PHF21A: variants seen among roughly 807,000 people sequenced by gnomAD.
PHF21A encodes the protein PHD finger protein 21A.
In PHF21A, 11 loss-of-function variants were observed where a neutral mutation model predicts 82.5. That is an observed-to-expected ratio of 0.13 (90% CI 0.08 to 0.22). PHF21A has a LOEUF of 0.22. Among genes scored for constraint, PHF21A ranks in the 10% least tolerant of loss-of-function variants. The pLI is 1.00. For synonymous variants in PHF21A, 297 were observed against 302.8 expected (o/e 0.98, Z 0.20); for missense variants, 579 against 837.8 (o/e 0.69, Z 3.81).
At chr11:45,987,251 A>ATGTATGTATGTATGT (rs375980932) in intron 6 of PHF21A, among the ~76,000 whole-genome samples, 3 of 148,446 alleles carry the variant, frequency 2.0e-5, no homozygotes, top group African/African-American at 7.5e-5. Context: ...ATCATAAATA[A>ATGTATGTATGTATGT]ATGTATGTAT....
chr11:46,002,677 T>C (rs1412394101), intron 6 of PHF21A, among the ~76,000 whole-genome samples: 1 of 152,164 alleles, frequency 6.6e-6, no homozygotes, highest in Admixed American at 6.5e-5. Flanking sequence ...ATGAAGAACT[T>C]TGGACTCTGT....
chr11:46,038,114 TTC>T (rs536982768), intron 6 of PHF21A, among the ~76,000 whole-genome samples: 3 of 151,788 alleles, frequency 2.0e-5, no homozygotes, highest in African/African-American at 7.3e-5. Flanking sequence ...ATACTCCTAT[TTC>T]TCTCTCTCTC....
chr11:46,074,309 T>G (rs2096695606), intron 6 of PHF21A, among the ~76,000 whole-genome samples: 2 of 152,162 alleles, frequency 1.3e-5, no homozygotes, highest in Non-Finnish European at 2.9e-5. Flanking sequence ...GACATTATTC[T>G]TCAAACTTTT....
intron 6 of PHF21A, among the ~76,000 whole-genome samples, chr11:46,076,160 A>T (rs1485413012): frequency 6.6e-6 from 1 of 152,234 alleles, no homozygotes; most frequent in Non-Finnish European, 1.5e-5. Flanking sequence ...CATACAAAAA[A>T]TTCCAAAGAA....
At chr11:46,022,394 G>A (rs1565586595) in intron 6 of PHF21A, among the ~76,000 whole-genome samples, 2 of 152,188 alleles carry the variant, frequency 1.3e-5, no homozygotes, top group African/African-American at 2.4e-5. Context: ...GATTGAGGCT[G>A]CAGTGAGCTG....
intron 6 of PHF21A, 103 bp downstream of exon 6, chr11:46,076,651 A>AT: frequency 1.1e-6 from 1 of 883,330 alleles, no homozygotes; most frequent in Non-Finnish European, 1.8e-6. Context: ...GCCCACACTT[A>AT]TTTTCACACA....
chr11:46,073,419 T>G (rs1051230963), intron 6 of PHF21A, among the ~76,000 whole-genome samples: 1 of 152,186 alleles, frequency 6.6e-6, no homozygotes, highest in Admixed American at 6.5e-5. Flanking sequence ...AAATGTGAAC[T>G]ATGCCTGAAA....
At chr11:46,057,443 T>C (rs1432187825) in intron 6 of PHF21A, among the ~76,000 whole-genome samples, 1 of 152,176 alleles carries the variant, frequency 6.6e-6, no homozygotes, top group Admixed American at 6.5e-5. Flanking sequence ...CATTAGGGCT[T>C]AATTTTCCCA....
chr11:46,040,158 C>A (rs1371527684), intron 6 of PHF21A, among the ~76,000 whole-genome samples: 2 of 152,140 alleles, frequency 1.3e-5, no homozygotes, highest in Admixed American at 1.3e-4. Flanking sequence ...TGGCAGTAAT[C>A]CCAAGTGACT....
At chr11:46,071,704 A>G (rs1592802981) in intron 6 of PHF21A, among the ~76,000 whole-genome samples, 3 of 147,290 alleles carry the variant, frequency 2.0e-5, no homozygotes, top group South Asian at 4.4e-4. Context: ...ATAAAAGGGT[A>G]TATCTATCAA....
chr11:46,085,201 G>T (rs896957541), intron 3 of PHF21A, among the ~76,000 whole-genome samples: 1 of 152,058 alleles, frequency 6.6e-6, no homozygotes, highest in African/African-American at 2.4e-5. Flanking sequence ...TACTATCCAC[G>T]AACTTATGAT....
intron 6 of PHF21A, among the ~76,000 whole-genome samples, chr11:46,068,273 T>C (rs1023468022): frequency 6.6e-6 from 1 of 151,910 alleles, no homozygotes; most frequent in African/African-American, 2.4e-5. Context: ...AATAAATATA[T>C]GTGGAATAAA....
chr11:45,947,139 T>C (rs2091415383), intron 14 of PHF21A, among the ~76,000 whole-genome samples: 1 of 152,204 alleles, frequency 6.6e-6, no homozygotes, highest in South Asian at 2.1e-4. Context: ...TGTAAGAGCA[T>C]TTTGACTCAA....
rs1036752495 is a variant in PHF21A, at chr11:46,070,380, G to C, written c.153+6374C>G. On this transcript the variant is annotated intron_variant, in intron 6 of 18. Transcript: ENST00000676320. Reference sequence around the variant, plus strand: ...GAGTCTCACTGTGTTGCCCAGGCTGGAGTGCAGTGGCACCATCTTGGCTCC... The same window carrying C: ...GAGTCTCACTGTGTTGCCCAGGCTGCAGTGCAGTGGCACCATCTTGGCTCC... 2.0e-5 allele frequency among the ~76,000 whole-genome samples: 3 copies of C among 151,818 alleles called. No individual in the cohort carries two copies. In the South Asian group the frequency reaches 6.2e-4, roughly 32 times the overall value.
chr11:46,008,641 T>G (rs2095349817), intron 6 of PHF21A, among the ~76,000 whole-genome samples: 1 of 152,202 alleles, frequency 6.6e-6, no homozygotes, highest in Non-Finnish European at 1.5e-5. Flanking sequence ...TATGAAAACC[T>G]GGTGCTGCTG....
In PHF21A at chr11:45,938,325, G is replaced by C. The variant is rs560944863; in HGVS notation, c.1453-13C>G. 1.9e-6 allele frequency: 3 copies of C among 1,600,350 alleles called. No individual in the cohort carries two copies. Among genetic ancestry groups the C allele is most frequent in the African/African-American group, 1.3e-5 (1 of 74,448 alleles). ...CATGAATATCACCCTATAAAGTTGA[G>C]AGGAAAGGTAAGAAAAAGGACAAAA... On this transcript the variant is annotated splice_polypyrimidine_tract_variant and intron_variant, in intron 15 of 18. Coordinates refer to ENST00000676320, the MANE Select transcript of PHF21A (RefSeq NM_001352027.3).
intron 13 of PHF21A, 95 bp downstream of exon 13, chr11:45,949,307 T>C (rs903543700): frequency 1.0e-6 from 1 of 981,520 alleles, no homozygotes; most frequent in African/African-American, 1.6e-5. Flanking sequence ...ACAATCAGGG[T>C]GCTGCTCTTC....
At chr11:45,959,251 A>G (rs1170234792) in intron 10 of PHF21A, among the ~76,000 whole-genome samples, 1 of 152,250 alleles carries the variant, frequency 6.6e-6, no homozygotes, top group Admixed American at 6.5e-5. Flanking sequence ...GGAGATAGAT[A>G]TATTAATTAG....
At chr11:45,935,511 T>C in intron 18 of PHF21A, 125 bp downstream of exon 18, 1 of 699,330 alleles carries the variant, frequency 1.4e-6, no homozygotes, top group South Asian at 1.7e-5. Context: ...TTTGCCCAAG[T>C]TAATCACGTT....
Sources: allele counts gnomAD v4.1 joint callset (sites outside exome capture counted in the v4.1 genomes callset), GRCh38; gene constraint gnomAD v4.1.1; transcripts MANE v1.5; gene names NCBI Gene and HGNC (gene_info 2026-07-23, HGNC 2026-07-21).